The following STYXL2 variants were observed in gnomAD, a reference collection of about 807,000 sequenced individuals.
STYXL2 encodes the protein serine/threonine/tyrosine-interacting-like protein 2.
A neutral mutation model predicts 52.4 loss-of-function variants in STYXL2; 44 were observed. The observed-to-expected ratio is 0.84, with a 90% confidence interval of 0.66 to 1.08. The LOEUF is 1.08. Among genes scored for constraint, STYXL2 ranks in the 50% least tolerant of loss-of-function variants. STYXL2 has a pLI of 0.00. For synonymous variants in STYXL2, 604 were observed against 586.9 expected (o/e 1.03, Z -0.42); for missense variants, 1,604 against 1,471.7 (o/e 1.09, Z -1.47).
Position 167,127,735 on chromosome 1 carries a change from C to T in STYXL2, c.2604C>T (p.Leu868=), listed in dbSNP as rs1668006784. The T allele has an allele frequency of 6.2e-7, 1 of 1,614,004 alleles. No homozygotes were observed. The highest frequency in any genetic ancestry group is 8.5e-7 in the Non-Finnish European group (1 of 1,179,994). ...KLASDNKRSS[L]FKKKKVKEDE... ...CCTCAGACAACAAACGCAGCTCCCT[C>T]TTCAAGAAGAAGAAGGTCAAGGAAG... Residue 868 remains leucine, a synonymous_variant, in exon 6 of 6, where the codon CTC becomes CTT. Coordinates refer to ENST00000361200, the MANE Select transcript of STYXL2 (RefSeq NM_001080426.3).
chr1:167,126,819 C>T lies in STYXL2; in HGVS notation c.1688C>T (p.Ala563Val), dbSNP rs573913763. 1.9e-6 allele frequency: 3 copies of T among 1,614,088 alleles called. No homozygotes were observed. The highest frequency in any genetic ancestry group is 1.1e-5 in the South Asian group (1 of 91,072). Residue 563 changes from alanine to valine, a missense_variant, in exon 6 of 6, where the codon GCG becomes GTG. By Grantham distance (64) the Ala-to-Val change is moderately conservative. Coordinates refer to ENST00000361200, the MANE Select transcript of STYXL2 (RefSeq NM_001080426.3). The stretch of plus-strand genomic sequence containing the variant: ...GGATTTCACAAGAAAGACTTGGGAG[C>T]GGGAGACAGCAGCGGTGAGCCCGGT... Reference protein sequence around the residue: ...QFGFHKKDLGAGDSSGEPGAE... With the variant: ...QFGFHKKDLGVGDSSGEPGAE...
At chr1:167,103,387 C>T (rs1028418459) in intron 2 of STYXL2, among the ~76,000 whole-genome samples, 4 of 152,160 alleles carry the variant, frequency 2.6e-5, no homozygotes, top group Non-Finnish European at 5.9e-5. Flanking sequence ...GGAACTAGAA[C>T]AGAGCCTTGC....
At chr1:167,111,673 C>T (rs1007586145) in intron 2 of STYXL2, among the ~76,000 whole-genome samples, 1 of 151,504 alleles carries the variant, frequency 6.6e-6, no homozygotes, top group Non-Finnish European at 1.5e-5. Context: ...TATGTTTTCA[C>T]TTATAAGTAG....
chr1:167,128,745 C>G lies in STYXL2; in HGVS notation c.*137C>G. ...GGGGCAGAGCCAAAATGAGAGGTAC[C>G]AAGCATAAGGGCAGCAGAGGTGGAG... On this transcript the variant is annotated 3_prime_UTR_variant, in exon 6 of 6. Transcript: ENST00000361200. 7.2e-7 allele frequency: 1 copy of G among 1,380,358 alleles called. No homozygotes were observed. The highest frequency in any genetic ancestry group is 2.6e-4 in the Middle Eastern group (1 of 3,836). 85.5% of individuals were successfully genotyped at this position (1,380,358 alleles called of 1,614,324 possible).
intron 3 of STYXL2, among the ~76,000 whole-genome samples, chr1:167,115,562 G>A (rs1199331219): frequency 2.0e-5 from 3 of 152,120 alleles, no homozygotes; most frequent in East Asian, 1.9e-4. Flanking sequence ...ATAAATAGCC[G>A]AGGAAGACAA....
chr1:167,120,032 G>C (rs1287661894), intron 5 of STYXL2, among the ~76,000 whole-genome samples: 1 of 152,242 alleles, frequency 6.6e-6, no homozygotes, highest in East Asian at 1.9e-4. Flanking sequence ...AAGTGGCAGA[G>C]GTTCCCCATC....
rs773047471 is a variant in STYXL2, at chr1:167,127,094, G to A, written c.1963G>A (p.Gly655Arg). ...SWEADSSTAS[G>R]SIPLSAFWSA... Reference sequence around the variant, plus strand: ...GGAGGCGGACAGCTCCACGGCCAGCGGGAGCATTCCCCTGTCTGCGTTCTG... The same window carrying A: ...GGAGGCGGACAGCTCCACGGCCAGCAGGAGCATTCCCCTGTCTGCGTTCTG... Residue 655 changes from glycine to arginine, a missense_variant, in exon 6 of 6, where the codon GGG becomes AGG. Physicochemically the swap from Gly to Arg is moderately radical, Grantham distance 125. Transcript: ENST00000361200. The A allele has an allele frequency of 5.6e-6, 9 of 1,613,608 alleles. No individual in the cohort carries two copies. The Admixed American group carries it at 8.3e-5, about 15-fold the overall frequency.
At chr1:167,123,908 G>T (rs924451729) in intron 5 of STYXL2, among the ~76,000 whole-genome samples, 1 of 152,042 alleles carries the variant, frequency 6.6e-6, no homozygotes, top group African/African-American at 2.4e-5. Flanking sequence ...ACAGATGTAA[G>T]CCACCACACC....
intron 2 of STYXL2, among the ~76,000 whole-genome samples, chr1:167,109,539 T>C (rs1479232507): frequency 6.6e-6 from 1 of 150,936 alleles, no homozygotes; most frequent in African/African-American, 2.4e-5. Context: ...CCGAGGAGAG[T>C]CTGAGCTCAG....
intron 5 of STYXL2, among the ~76,000 whole-genome samples, chr1:167,122,068 G>A (rs1330749572): frequency 1.3e-5 from 2 of 152,140 alleles, no homozygotes; most frequent in Non-Finnish European, 2.9e-5. Flanking sequence ...GAGCCTATGA[G>A]GGGGTGTTGT....
chr1:167,110,868 A>G (rs116588743), intron 2 of STYXL2, among the ~76,000 whole-genome samples: 20 of 152,338 alleles, frequency 1.3e-4, no homozygotes, highest in African/African-American at 4.1e-4. Context: ...CTCTTGTAGA[A>G]ACTTTATTAT....
chr1:167,095,232 G>T (rs986886936), intron 2 of STYXL2, among the ~76,000 whole-genome samples: 2 of 150,218 alleles, frequency 1.3e-5, no homozygotes, highest in African/African-American at 4.9e-5. Context: ...GACTTGGAAG[G>T]TCATAGGAGG....
chr1:167,097,716 A>G (rs1416614488), intron 2 of STYXL2, among the ~76,000 whole-genome samples: 2 of 152,116 alleles, frequency 1.3e-5, no homozygotes, highest in Non-Finnish European at 2.9e-5. Context: ...AAAAAGAATA[A>G]TAAGAAAATA....
intron 2 of STYXL2, among the ~76,000 whole-genome samples, chr1:167,104,705 A>C (rs16858450): frequency 0.17 from 26,086 of 152,188 alleles, 2,486 homozygotes; most frequent in Middle Eastern, 0.23. Flanking sequence ...TTAGAGCCTG[A>C]ACTTTGCCTG....
Position 167,100,408 on chromosome 1 carries a change from T to C in STYXL2, c.110+5449T>C, listed in dbSNP as rs1364574288. The stretch of plus-strand genomic sequence containing the variant: ...TTAACTGCCTATCACTTTGGGGTGA[T>C]TGAGCTTCTCAGATTGTTGATTGAG... On this transcript the variant is annotated intron_variant, in intron 2 of 5. Transcript: ENST00000361200. 2.0e-5 allele frequency among the ~76,000 whole-genome samples: 3 copies of C among 152,176 alleles called. No individual in the cohort carries two copies. In the East Asian group the frequency reaches 5.8e-4, roughly 29 times the overall value.
intron 4 of STYXL2, 135 bp downstream of exon 4, chr1:167,117,694 C>G (rs1667758328): frequency 2.7e-6 from 2 of 742,324 alleles, no homozygotes; most frequent in Admixed American, 5.6e-5. Context: ...GCCACTTACC[C>G]TGCCCCAGCC....
At chr1:167,113,611 C>T (rs1015513828) in intron 2 of STYXL2, 99 bp from the exon 3 acceptor site, 8 of 906,464 alleles carry the variant, frequency 8.8e-6, no homozygotes, top group Non-Finnish European at 1.3e-5. Flanking sequence ...TCGTTGTTCC[C>T]CACTTGTTGC....
At chr1:167,113,161 G>A (rs983527964) in intron 2 of STYXL2, among the ~76,000 whole-genome samples, 6 of 152,052 alleles carry the variant, frequency 3.9e-5, no homozygotes, top group Non-Finnish European at 5.9e-5. Flanking sequence ...ATCAGTACCC[G>A]TGCATTTGAG....
chr1:167,115,576 C>T (rs4657630), intron 3 of STYXL2, among the ~76,000 whole-genome samples: 77,661 of 151,928 alleles, frequency 0.51, 20,503 homozygotes, highest in East Asian at 0.74. Context: ...AAGACAACAC[C>T]GTGTATTTTA....
Sources: gnomAD v4.1 joint callset for allele counts (sites outside exome capture counted in the v4.1 genomes callset) on GRCh38, gnomAD v4.1.1 for gene constraint, MANE v1.5 for transcripts, NCBI Gene and HGNC (gene_info 2026-07-23, HGNC 2026-07-21) for gene names.